The following GNPDA2 variants were observed in gnomAD, a reference collection of about 807,000 sequenced individuals.
GNPDA2 encodes glcN6P deaminase 2.
In GNPDA2, 24 loss-of-function variants were observed where a neutral mutation model predicts 27.0. The observed-to-expected ratio is 0.89, with a 90% CI of 0.64 to 1.25. GNPDA2 has a LOEUF of 1.25. Ranked by LOEUF, GNPDA2 falls within the 50% of genes most tolerant of loss-of-function variation. The pLI, the probability that GNPDA2 is intolerant of heterozygous loss-of-function variation, is 0.00. For synonymous variants in GNPDA2, 94 were observed against 108.4 expected (o/e 0.87, Z 0.83); for missense variants, 286 against 335.1 (o/e 0.85, Z 1.14).
intron 6 of GNPDA2, chr4:44,703,932 G>A: frequency 2.0e-6 from 2 of 985,054 alleles, no homozygotes; most frequent in Non-Finnish European, 2.4e-6. Flanking sequence ...GTAAAGAAAT[G>A]AGTTAAGTTT....
intron 1 of GNPDA2, among the ~76,000 whole-genome samples, chr4:44,723,613 T>G (rs1352119741): frequency 6.6e-6 from 1 of 152,220 alleles, no homozygotes; most frequent in Non-Finnish European, 1.5e-5. Flanking sequence ...CCACATTTTC[T>G]TTATCCAATC....
chr4:44,712,741 G>C (rs1717053527), intron 4 of GNPDA2, among the ~76,000 whole-genome samples: 1 of 152,182 alleles, frequency 6.6e-6, no homozygotes, highest in Non-Finnish European at 1.5e-5. Context: ...GGGCCTTATA[G>C]AAGTGTACAG....
At chr4:44,712,097 T>C (rs902429054) in intron 4 of GNPDA2, among the ~76,000 whole-genome samples, 2 of 152,074 alleles carry the variant, frequency 1.3e-5, no homozygotes, top group African/African-American at 4.8e-5. Context: ...GACATTCTTA[T>C]TTGAAGGAAA....
At chr4:44,711,180 G>A in intron 4 of GNPDA2, 43 bp from the exon 5 acceptor site, 1 of 1,285,554 alleles carries the variant, frequency 7.8e-7, no homozygotes. Context: ...GAAGTAAATA[G>A]GTTTCACAAA....
chr4:44,725,503 T>G (rs1244997598), intron 1 of GNPDA2, among the ~76,000 whole-genome samples: 1 of 152,194 alleles, frequency 6.6e-6, no homozygotes, highest in African/African-American at 2.4e-5. Flanking sequence ...ATATTCATAA[T>G]CAGGTGAAAT....
intron 2 of GNPDA2, among the ~76,000 whole-genome samples, chr4:44,719,042 T>C (rs1055991376): frequency 6.6e-6 from 1 of 152,022 alleles, no homozygotes; most frequent in Non-Finnish European, 1.5e-5. Context: ...GAGTTCTTGA[T>C]TCTATTGTTT....
Position 44,707,882 on chromosome 4 carries a change from G to C in GNPDA2, c.639C>G (p.Tyr213Ter). 6.2e-7 allele frequency: 1 copy of C among 1,612,744 alleles called. No individual in the cohort carries two copies. Among genetic ancestry groups the C allele is most frequent in the South Asian group, 1.1e-5 (1 of 90,918 alleles). Residue 213 changes from tyrosine to a stop codon, truncating the protein, a stop_gained, in exon 6 of 7, where the codon TAC (tyrosine) becomes TAG (stop). Transcript: ENST00000295448. LOFTEE classifies it high-confidence loss of function. ...GATTGACTCCTTCTTCTATTGCTTT[G>C]TACAGGGCAAATGCCTTGTGTGCCC... ...ITGAHKAFAL[Y>*]KAIEEGVNHM...
chr4:44,703,027 C>T lies in GNPDA2; in HGVS notation c.*54G>A. 1.9e-6 allele frequency: 3 copies of T among 1,599,882 alleles called. No individual in the cohort carries two copies. The highest frequency in any genetic ancestry group is 2.6e-6 in the Non-Finnish European group (3 of 1,176,090). On this transcript the variant is annotated 3_prime_UTR_variant, in exon 7 of 7. Coordinates refer to ENST00000295448, the MANE Select transcript of GNPDA2 (RefSeq NM_138335.3). ...TATTGCATAGCTGAAAATTCATCTA[C>T]TACTTAGTAAAAAGTGCTCTGTTCA...
At chr4:44,724,895 A>C (rs1354911499) in intron 1 of GNPDA2, among the ~76,000 whole-genome samples, 1 of 152,228 alleles carries the variant, frequency 6.6e-6, no homozygotes, top group Non-Finnish European at 1.5e-5. Context: ...CTCCACTTAA[A>C]TATAATCCAT....
At chr4:44,721,908 C>T (rs917175538) in intron 2 of GNPDA2, among the ~76,000 whole-genome samples, 176 bp downstream of exon 2, 1 of 152,128 alleles carries the variant, frequency 6.6e-6, no homozygotes, top group Admixed American at 6.5e-5. Context: ...ACTAGTAACA[C>T]ATTGTAGATA....
At position 44,718,380 on chromosome 4, in the gene GNPDA2, AG is replaced by A; in HGVS notation, c.154del (p.Leu52Ter). 7.3e-7 allele frequency: 1 copy of A among 1,368,010 alleles called. No homozygotes were observed. The allele number at this position is 1,368,010 out of a possible 1,614,324, so 84.7% of individuals were successfully genotyped here. On this transcript the variant is annotated frameshift_variant, in exon 3 of 7. Coordinates refer to ENST00000295448, the MANE Select transcript of GNPDA2 (RefSeq NM_138335.3). LOFTEE classifies it high-confidence loss of function. Reference protein sequence around the residue: ...GSTPLGCYKKLIEYHKNGHLS... With the variant: ...GSTPLGCYKKXIEYHKNGHLS... ...GTGTCCATTCTTATGATATTCTATT[AG>A]TTTTTTATAGCATCCTAAAGGTGTA... is the stretch of plus-strand genomic sequence containing the variant.
At chr4:44,719,027 C>T (rs548639633) in intron 2 of GNPDA2, among the ~76,000 whole-genome samples, 2 of 152,028 alleles carry the variant, frequency 1.3e-5, no homozygotes, top group African/African-American at 2.4e-5. Flanking sequence ...GAGGATATTT[C>T]ATCTGAGTTC....
rs146917045 is a variant in GNPDA2, at chr4:44,705,394, A to G, written c.770-2252T>C. 322 of 984,822 alleles carry G rather than the reference A, an allele frequency of 3.3e-4. No individual in the cohort carries two copies. The African/African-American group carries it at 5.3e-3, about 16-fold the overall frequency. 61.0% of individuals were successfully genotyped at this position (984,822 alleles called of 1,614,324 possible). On this transcript the variant is annotated intron_variant, in intron 6 of 6. Coordinates refer to ENST00000295448, the MANE Select transcript of GNPDA2 (RefSeq NM_138335.3). Reference sequence around the variant, plus strand: ...TTCATATTGAAGGAGGTATCCTAACAGGCTGATACCCTGAAACCTCTTCAG... The same window carrying G: ...TTCATATTGAAGGAGGTATCCTAACGGGCTGATACCCTGAAACCTCTTCAG...
At chr4:44,703,492 A>G (rs1716398898) in intron 6 of GNPDA2, 9 of 1,010,562 alleles carry the variant, frequency 8.9e-6, no homozygotes, top group Admixed American at 5.9e-5. Context: ...CTATGTTGAT[A>G]TTGATCCTCT....
At chr4:44,703,615 T>C in intron 6 of GNPDA2, 1 of 982,538 alleles carries the variant, frequency 1.0e-6, no homozygotes, top group Non-Finnish European at 1.2e-6. Flanking sequence ...GGCATGTGTA[T>C]TTATGACAAA....
In GNPDA2 at chr4:44,718,955, A is replaced by G. The variant is rs544172361; in HGVS notation, c.125-545T>C. Among the ~76,000 whole-genome samples the G allele has an allele frequency of 5.1e-3, 774 of 152,096 alleles. 6 individuals carry two copies. The highest frequency in any genetic ancestry group is 0.018 in the African/African-American group (738 of 41,558). On this transcript the variant is annotated intron_variant, in intron 2 of 6. Coordinates refer to ENST00000295448, the MANE Select transcript of GNPDA2 (RefSeq NM_138335.3). ...TCTTTTGATAACTTCAGCATGCATCAGCTAAAATGTGTAAGGTGAGAAAAA... is the reference window on the plus strand; with the variant it reads ...TCTTTTGATAACTTCAGCATGCATCGGCTAAAATGTGTAAGGTGAGAAAAA...
intron 1 of GNPDA2, among the ~76,000 whole-genome samples, chr4:44,725,908 A>G (rs1310876092): frequency 2.0e-5 from 3 of 152,170 alleles, no homozygotes; most frequent in African/African-American, 7.2e-5. Context: ...GACAACTTCT[A>G]CACCCGTGAA....
intron 4 of GNPDA2, chr4:44,714,609 G>C: frequency 1.0e-6 from 1 of 983,712 alleles, no homozygotes; most frequent in Non-Finnish European, 1.2e-6. Flanking sequence ...TAATAAAGCT[G>C]ATATTTTGAT....
intron 1 of GNPDA2, among the ~76,000 whole-genome samples, chr4:44,722,906 T>A (rs1275026808): frequency 6.6e-6 from 1 of 152,118 alleles, no homozygotes; most frequent in East Asian, 1.9e-4. Flanking sequence ...GTCACACAGG[T>A]AGTAAGCAAC....
Sources: allele counts gnomAD v4.1 joint callset (sites outside exome capture counted in the v4.1 genomes callset), GRCh38; gene constraint gnomAD v4.1.1; transcripts MANE v1.5; gene names NCBI Gene and HGNC (gene_info 2026-07-23, HGNC 2026-07-21).